Variants in GDA observed in about 807,000 individuals in gnomAD.
GDA encodes cytoplasmic PSD-95 interactor.
Under a neutral mutation model 59.6 loss-of-function variants are expected in GDA, and 18 were observed. That is an observed-to-expected ratio of 0.30 (90% CI 0.21 to 0.45). The LOEUF is 0.45. Ranked by LOEUF, GDA falls within the 20% of genes least tolerant of loss-of-function variation. The pLI, the probability that GDA is intolerant of heterozygous loss-of-function variation, is 1.00. For missense variants in GDA, 427 were observed against 552.3 expected, an observed-to-expected ratio of 0.77 and a Z score of 2.27; for synonymous variants, 201 against 201.1, an observed-to-expected ratio of 1.00 and a Z score of 0.00.
chr9:72,169,292 T>G (rs1481404546), intron 1 of GDA, among the ~76,000 whole-genome samples: 2 of 152,200 alleles, frequency 1.3e-5, no homozygotes, highest in East Asian at 3.8e-4. Context: ...GGGCTTGTTC[T>G]GAGTTTCTTT....
chr9:72,133,303 A>ATT (rs1564150789), intron 1 of GDA, among the ~76,000 whole-genome samples: 2 of 102,618 alleles, frequency 1.9e-5, no homozygotes, highest in East Asian at 1.4e-3. Context: ...AAAAAAAAAA[A>ATT]AAAAAAATAA....
intron 1 of GDA, among the ~76,000 whole-genome samples, 177 bp downstream of exon 1, chr9:72,149,859 CG>C (rs982284928): frequency 1.3e-5 from 2 of 152,196 alleles, no homozygotes; most frequent in African/African-American, 4.8e-5. Context: ...GCGCTAGGTT[CG>C]TGGGCTGGCT....
At chr9:72,155,266 C>T (rs1827756866) in intron 1 of GDA, among the ~76,000 whole-genome samples, 1 of 152,142 alleles carries the variant, frequency 6.6e-6, no homozygotes, top group Non-Finnish European at 1.5e-5. Context: ...GCGGAAACTC[C>T]TGATAAACCC....
chr9:72,173,505 A>G (rs1830216486), intron 1 of GDA, among the ~76,000 whole-genome samples: 1 of 151,158 alleles, frequency 6.6e-6, no homozygotes, highest in African/African-American at 2.4e-5. Context: ...TAATTTTTAT[A>G]TTTTTCGGAG....
At chr9:72,231,564 CA>C (rs879269541) in intron 10 of GDA, among the ~76,000 whole-genome samples, 1,639 of 107,688 alleles carry the variant, frequency 0.015, 7 homozygotes, top group Middle Eastern at 0.044. Flanking sequence ...GACTCTGTCT[CA>C]AAAAAAAAAA....
At chr9:72,119,335 T>C (rs1327345801) in intron 1 of GDA, among the ~76,000 whole-genome samples, 1 of 152,074 alleles carries the variant, frequency 6.6e-6, no homozygotes, top group Non-Finnish European at 1.5e-5. Flanking sequence ...CAAAACCACA[T>C]CTCTACTAAA....
At chr9:72,175,682 G>A (rs1243389741) in intron 1 of GDA, among the ~76,000 whole-genome samples, 3 of 152,156 alleles carry the variant, frequency 2.0e-5, no homozygotes, top group African/African-American at 7.2e-5. Flanking sequence ...TTAATCTTTT[G>A]TTGTAGATTT....
chr9:72,121,299 G>C (rs534543033), intron 1 of GDA, among the ~76,000 whole-genome samples: 29 of 152,194 alleles, frequency 1.9e-4, no homozygotes, highest in Non-Finnish European at 3.7e-4. Context: ...CTCTGTCTGA[G>C]CATAAGATTC....
chr9:72,152,744 T>A (rs1827372425), intron 1 of GDA, among the ~76,000 whole-genome samples: 1 of 152,200 alleles, frequency 6.6e-6, no homozygotes, highest in South Asian at 2.1e-4. Context: ...GTAGGTTGCC[T>A]GTTCACTCTG....
chr9:72,250,202 C>T lies in GDA; in HGVS notation c.*1860C>T, dbSNP rs1191815389. 4.1e-6 allele frequency: 4 copies of T among 985,094 alleles called. No individual in the cohort carries two copies. Among genetic ancestry groups the T allele is most frequent in the Non-Finnish European group, 4.8e-6 (4 of 829,668 alleles). The allele number at this position is 985,094 out of a possible 1,614,324, so 61.0% of individuals were successfully genotyped here. A position where few individuals can be genotyped will look rare whatever the true frequency, so the allele number is the denominator to read the frequency against. ...AGGAACTTGATTACATGGTGTCTAA[C>T]CAAATGAGCAGGCTTAGGAATTTAG... is the stretch of plus-strand genomic sequence containing the variant. On this transcript the variant is annotated 3_prime_UTR_variant, in exon 14 of 14. Coordinates refer to ENST00000358399, the MANE Select transcript of GDA (RefSeq NM_004293.5).
intron 1 of GDA, among the ~76,000 whole-genome samples, chr9:72,121,351 A>G (rs1417506264): frequency 4.6e-5 from 7 of 152,212 alleles, no homozygotes; most frequent in Non-Finnish European, 7.3e-5. Context: ...TAGTCCCAGC[A>G]CTTTGGGAAG....
intron 10 of GDA, 37 bp from the exon 11 acceptor site, chr9:72,241,115 C>G: frequency 6.6e-7 from 1 of 1,506,840 alleles, no homozygotes; most frequent in Non-Finnish European, 9.1e-7. Context: ...TTTATCCTCA[C>G]AAGGTTACTG....
chr9:72,175,336 T>C (rs937519947), intron 1 of GDA, among the ~76,000 whole-genome samples: 4 of 151,964 alleles, frequency 2.6e-5, no homozygotes, highest in African/African-American at 9.7e-5. Context: ...CCAGCCCCAT[T>C]GAGGTTCTAT....
intron 10 of GDA, among the ~76,000 whole-genome samples, chr9:72,237,467 G>C (rs1839145888): frequency 6.6e-6 from 1 of 151,860 alleles, no homozygotes; most frequent in South Asian, 2.1e-4. Flanking sequence ...TCTTCCTCTG[G>C]GCCATTTGAA....
intron 10 of GDA, among the ~76,000 whole-genome samples, chr9:72,232,567 G>A (rs532857186): frequency 6.6e-6 from 1 of 152,066 alleles, no homozygotes; most frequent in African/African-American, 2.4e-5. Context: ...ATGGCCAAGA[G>A]TTTTGGTTAC....
At chr9:72,231,031 G>A (rs1838275016) in intron 9 of GDA, 83 bp from the exon 10 acceptor site, 1 of 818,474 alleles carries the variant, frequency 1.2e-6, no homozygotes, top group Non-Finnish European at 2.2e-6. Context: ...AATTTTCAGT[G>A]GCATCACCGT....
chr9:72,215,839 G>A (rs1032688930), intron 5 of GDA, among the ~76,000 whole-genome samples: 1 of 152,196 alleles, frequency 6.6e-6, no homozygotes, highest in African/African-American at 2.4e-5. Context: ...GTAAAGATGT[G>A]CAAGGAAAAT....
chr9:72,127,381 G>A (rs1825881897), intron 1 of GDA, among the ~76,000 whole-genome samples: 1 of 152,118 alleles, frequency 6.6e-6, no homozygotes. Context: ...GCTCACACCT[G>A]TAATCCCAGC....
chr9:72,219,220 C>T (rs975639529), intron 5 of GDA, among the ~76,000 whole-genome samples: 2 of 151,962 alleles, frequency 1.3e-5, no homozygotes, highest in South Asian at 2.1e-4. Context: ...CTGGCTAACA[C>T]GCTGAAACCC....
Sources: gnomAD v4.1 joint callset for allele counts (sites outside exome capture counted in the v4.1 genomes callset) on GRCh38, gnomAD v4.1.1 for gene constraint, MANE v1.5 for transcripts, NCBI Gene and HGNC (gene_info 2026-07-23, HGNC 2026-07-21) for gene names.